PNPLA6: variants seen among roughly 807,000 people sequenced by gnomAD.
PNPLA6 encodes patatin-like phospholipase domain-containing protein 6.
In PNPLA6, 105 loss-of-function variants were observed where a neutral mutation model predicts 153.7. The ratio of observed to expected loss-of-function variants is 0.68; its 90% CI spans 0.58 to 0.80. The LOEUF (loss-of-function observed/expected upper bound fraction) is 0.80, where lower values mean the gene tolerates loss of function less well. Ranked by LOEUF, PNPLA6 falls within the 30% of genes least tolerant of loss-of-function variation. The pLI is 0.00. For synonymous variants in PNPLA6, 825 were observed against 822.2 expected, an observed-to-expected ratio of 1.00 and a Z score of -0.06; for missense variants, 1,423 against 1,919.3, an observed-to-expected ratio of 0.74 and a Z score of 4.83.
At chr19:7,534,171 C>T, upstream of PNPLA6, 1 of 379,116 alleles carries the variant, frequency 2.6e-6, no homozygotes, top group South Asian at 2.4e-5. Context: ...TTTAAAGGGG[C>T]CGTGCCTGCG....
intron 27 of PNPLA6, among the ~76,000 whole-genome samples, chr19:7,558,523 T>C (rs901055071): frequency 1.2e-4 from 19 of 152,060 alleles, no homozygotes; most frequent in African/African-American, 4.3e-4. Flanking sequence ...TCCCAGCTAC[T>C]TGAGAGGCTG....
chr19:7,549,819 T>G (rs747270176), intron 13 of PNPLA6, 88 bp from the exon 14 acceptor site: 4 of 1,319,582 alleles, frequency 3.0e-6, no homozygotes, highest in Non-Finnish European at 4.3e-6. Context: ...TCCTTTCTTC[T>G]TTAATTTTTT....
chr19:7,549,326 AC>A lies in PNPLA6; in HGVS notation c.1609-580del, dbSNP rs560569435. On this transcript the variant is annotated intron_variant, in intron 13 of 31. Coordinates refer to ENST00000600737, the MANE Select transcript of PNPLA6 (RefSeq NM_001166114.2). ...CTCAGCCTCCCAAGTAGCTGGGACT[AC>A]AGGCGCCCGCCACCACACCCGGCTA... Among the ~76,000 whole-genome samples the A allele has an allele frequency of 6.7e-3, 1,002 of 149,808 alleles. 12 individuals carry two copies. Among genetic ancestry groups the A allele is most frequent in the African/African-American group, 0.023 (952 of 40,700 alleles).
At chr19:7,546,946 C>T (rs914273182) in intron 13 of PNPLA6, among the ~76,000 whole-genome samples, 45 of 151,848 alleles carry the variant, frequency 3.0e-4, no homozygotes, top group African/African-American at 1.1e-3. Flanking sequence ...GCTATGTCGC[C>T]CAGGCTGGAG....
chr19:7,550,297 G>T lies in PNPLA6; in HGVS notation c.1815-1G>T. On this transcript the variant is annotated splice_acceptor_variant, in intron 14 of 31. Coordinates refer to ENST00000600737, the MANE Select transcript of PNPLA6 (RefSeq NM_001166114.2). LOFTEE classifies it high-confidence loss of function. ...CTTTCATCCCAAGTCTGTTCCTGCA[G>T]GATCATGCGCGCACAGCCCAGTGTG... 6.2e-7 allele frequency: 1 copy of T among 1,612,934 alleles called. No individual in the cohort carries two copies. The highest frequency in any genetic ancestry group is 1.1e-5 in the South Asian group (1 of 91,088).
intron 28 of PNPLA6, 91 bp from the exon 29 acceptor site, chr19:7,560,557 C>T: frequency 1.1e-6 from 1 of 893,366 alleles, no homozygotes; most frequent in South Asian, 1.3e-5. Flanking sequence ...CCCAGAGAAT[C>T]AGGCTTTTGA....
intron 13 of PNPLA6, among the ~76,000 whole-genome samples, chr19:7,546,735 ATATTT>A (rs1489670659): frequency 2.0e-5 from 3 of 151,952 alleles, no homozygotes; most frequent in African/African-American, 7.3e-5. Context: ...GTGTAGACAT[ATATTT>A]TATTTATTTT....
In PNPLA6 at chr19:7,541,335, C is replaced by T. The variant is rs759517233; in HGVS notation, c.925-19C>T. 8 of 1,609,356 alleles carry T rather than the reference C, an allele frequency of 5.0e-6. No individual in the cohort carries two copies. The highest frequency in any genetic ancestry group is 1.1e-5 in the South Asian group (1 of 90,860). On this transcript the variant is annotated intron_variant, in intron 7 of 31. Coordinates refer to ENST00000600737, the MANE Select transcript of PNPLA6 (RefSeq NM_001166114.2). This position sits in a 1 kb window ranked among gnomAD's most constrained non-coding sequence, Gnocchi z 5.2. Reference sequence around the variant, plus strand: ...CTTACCCCGCCCCATCTTATGGCCACGCCCCTCGAGCCCTGCAGATCATCA... The same window carrying T: ...CTTACCCCGCCCCATCTTATGGCCATGCCCCTCGAGCCCTGCAGATCATCA...
Position 7,541,813 on chromosome 19 carries a change from G to T in PNPLA6, c.1168+129G>T, listed in dbSNP as rs1223699907. ...AGCCCCACAGGGACTCCATAGCGGG[G>T]TACCCAGGTCTGACTCCTATCTGGT... On this transcript the variant is annotated intron_variant, in intron 9 of 31. Transcript: ENST00000600737. This position sits in a 1 kb window ranked among gnomAD's most constrained non-coding sequence, Gnocchi z 5.2. 4 of 1,196,302 alleles carry T rather than the reference G, an allele frequency of 3.3e-6. No homozygotes were observed. In the South Asian group the frequency reaches 5.2e-5, roughly 16 times the overall value. 74.1% of individuals were successfully genotyped at this position (1,196,302 alleles called of 1,614,324 possible). A position where few individuals can be genotyped will look rare whatever the true frequency, so the allele number is the denominator to read the frequency against.
At chr19:7,546,770 T>A (rs1235016061) in intron 13 of PNPLA6, among the ~76,000 whole-genome samples, 2 of 152,182 alleles carry the variant, frequency 1.3e-5, no homozygotes, top group Admixed American at 6.5e-5. Context: ...GGGGTCTCAC[T>A]ATGTTTCCCA....
In PNPLA6 at chr19:7,536,053, G is replaced by C. The variant is rs7257667; in HGVS notation, c.232+33G>C. 1.3e-4 allele frequency: 205 copies of C among 1,578,592 alleles called. No homozygotes were observed. In the African/African-American group the frequency reaches 2.5e-3, roughly 19 times the overall value. On this transcript the variant is annotated intron_variant, in intron 1 of 31. Transcript: ENST00000600737. ...CCCGAGGGGCCCCTCTTGGGAGGCT[G>C]TATGGTGGGGGGCCCAAATGCCCGG...
At chr19:7,544,907 G>A (rs1402734103) in intron 13 of PNPLA6, among the ~76,000 whole-genome samples, 1 of 152,178 alleles carries the variant, frequency 6.6e-6, no homozygotes, top group Non-Finnish European at 1.5e-5. Context: ...CTGGGAGACT[G>A]CTGGCCACAA....
intron 3 of PNPLA6, among the ~76,000 whole-genome samples, chr19:7,538,159 G>T (rs559154241): frequency 4.0e-4 from 61 of 152,128 alleles, no homozygotes; most frequent in African/African-American, 1.4e-3. Flanking sequence ...GATCAAAAAA[G>T]GAATAATCAT....
At chr19:7,548,800 TC>T (rs1215882628) in intron 13 of PNPLA6, among the ~76,000 whole-genome samples, 4 of 62,898 alleles carry the variant, frequency 6.4e-5, no homozygotes, top group Non-Finnish European at 9.8e-5. Flanking sequence ...AAAAAATTTT[TC>T]TTTTTTTTTT....
intron 27 of PNPLA6, among the ~76,000 whole-genome samples, chr19:7,558,595 G>A (rs2023982168): frequency 6.6e-6 from 1 of 152,190 alleles, no homozygotes; most frequent in South Asian, 2.1e-4. Context: ...TCGTGCCATT[G>A]CACTCCAGCC....
chr19:7,542,018 C>G lies in PNPLA6; in HGVS notation c.1203C>G (p.Pro401=). The part of the protein sequence containing the change: ...DPVKPTSLET[P]SAPLLSRCVS... Reference sequence around the variant, plus strand: ...TGAAGCCCACATCCCTGGAAACCCCCTCGGCCCCTCTGCTGAGCCGCTGCG... The same window carrying G: ...TGAAGCCCACATCCCTGGAAACCCCGTCGGCCCCTCTGCTGAGCCGCTGCG... The change falls in exon 10 of 32, where the codon CCC becomes CCG. Residue 401 remains proline (P), a synonymous_variant. Coordinates refer to ENST00000600737, the MANE Select transcript of PNPLA6 (RefSeq NM_001166114.2). The G allele has an allele frequency of 6.2e-7, 1 of 1,608,330 alleles. No individual in the cohort carries two copies. The highest frequency in any genetic ancestry group is 8.5e-7 in the Non-Finnish European group (1 of 1,179,926).
rs1044676031 is a variant in PNPLA6 at position 7,535,862 on chromosome 19, A to G, written c.74A>G (p.Asp25Gly). Reference protein sequence around the residue: ...AKVAERDGFQDVLAPGEGSAG... With the variant: ...AKVAERDGFQGVLAPGEGSAG... The stretch of plus-strand genomic sequence containing the variant: ...GTGGCGGAGAGGGATGGGTTCCAGG[A>G]CGTCCTGGCGCCCGGGGAAGGCTCG... Residue 25 changes from aspartate to glycine, a missense_variant, in exon 1 of 32, where the codon GAC (aspartate) becomes GGC (glycine). Asp to Gly is a moderately conservative substitution (Grantham distance 94). Coordinates refer to ENST00000600737, the MANE Select transcript of PNPLA6 (RefSeq NM_001166114.2). This position sits in a 1 kb window ranked among gnomAD's most constrained non-coding sequence, Gnocchi z 5.0. The G allele has an allele frequency of 8.4e-6, 13 of 1,539,478 alleles. No homozygotes were observed. Among genetic ancestry groups the G allele is most frequent in the Non-Finnish European group, 1.1e-5 (13 of 1,147,966 alleles).
At chr19:7,535,113 G>C (rs981439655), upstream of PNPLA6, 2 of 280,974 alleles carry the variant, frequency 7.1e-6, no homozygotes, top group Non-Finnish European at 1.4e-5. This position sits in a 1 kb window ranked among gnomAD's most constrained non-coding sequence, Gnocchi z 5.0. Context: ...GGTCAGGCTT[G>C]ATCAACCCTG....
upstream of PNPLA6, chr19:7,535,379 T>G: frequency 1.3e-6 from 1 of 740,952 alleles, no homozygotes; most frequent in South Asian, 1.5e-5. The surrounding 1 kb of genome is among the most constrained non-coding windows in gnomAD (Gnocchi z 5.0). Flanking sequence ...GCCTCGCCCC[T>G]GGCAGCTGGA....
Sources: allele counts gnomAD v4.1 joint callset (sites outside exome capture counted in the v4.1 genomes callset), GRCh38; gene constraint gnomAD v4.1.1; non-coding constraint Gnocchi (gnomAD v3.1); transcripts MANE v1.5; gene names NCBI Gene and HGNC (gene_info 2026-07-23, HGNC 2026-07-21).